The following ROBO1 variants were observed in gnomAD, a reference collection of about 807,000 sequenced individuals.
ROBO1 encodes roundabout guidance receptor 1.
ROBO1 carries 149 observed loss-of-function variants against 195.9 expected under a neutral mutation model. The observed-to-expected ratio is 0.76, with a 90% CI of 0.67 to 0.87. The LOEUF (loss-of-function observed/expected upper bound fraction) is 0.87. ROBO1 is among the 40% of genes least tolerant of loss of function. ROBO1 has a pLI of 0.00. For missense variants in ROBO1, 1,933 were observed against 2,068.3 expected, an observed-to-expected ratio of 0.93 and a Z score of 1.27; for synonymous variants, 816 against 733.2, an observed-to-expected ratio of 1.11 and a Z score of -1.82.
rs978424993 is a variant in ROBO1, at chr3:79,589,919, C to T, written c.-8G>A. ...AACATGTTTCCATTTCATCTTTGTC[C>T]CTTCCTTGCATTACAACCAGCCAGT... is the stretch of plus-strand genomic sequence containing the variant. On this transcript the variant is annotated 5_prime_UTR_variant, in exon 2 of 31. Transcript: ENST00000464233. The T allele has an allele frequency of 2.5e-6, 4 of 1,604,380 alleles. No homozygotes were observed. Among genetic ancestry groups the T allele is most frequent in the Non-Finnish European group, 2.6e-6 (3 of 1,172,314 alleles).
intron 2 of ROBO1, among the ~76,000 whole-genome samples, chr3:79,255,056 G>T (rs2082804385): frequency 6.6e-6 from 1 of 152,148 alleles, no homozygotes. Flanking sequence ...TTCCGCATTT[G>T]CTGGGTAATA....
At chr3:78,935,811 T>C (rs1363921789) in intron 4 of ROBO1, among the ~76,000 whole-genome samples, 1 of 152,056 alleles carries the variant, frequency 6.6e-6, no homozygotes, top group African/African-American at 2.4e-5. Context: ...CATTTGTGCA[T>C]AAAAATTGTT....
intron 3 of ROBO1, among the ~76,000 whole-genome samples, chr3:79,016,892 G>C (rs1316034130): frequency 6.6e-6 from 1 of 152,206 alleles, no homozygotes; most frequent in African/African-American, 2.4e-5. Flanking sequence ...CAAATAGAGA[G>C]ATCAGATTTT....
intron 2 of ROBO1, among the ~76,000 whole-genome samples, chr3:79,426,792 A>G (rs998991801): frequency 2.0e-5 from 3 of 152,182 alleles, no homozygotes; most frequent in African/African-American, 7.2e-5. Context: ...TTGAGAAAAC[A>G]TTTTAAAAAT....
intron 3 of ROBO1, among the ~76,000 whole-genome samples, chr3:79,121,538 C>T (rs2080116186): frequency 6.6e-6 from 1 of 151,626 alleles, no homozygotes; most frequent in Non-Finnish European, 1.5e-5. Context: ...CCCTAAATAC[C>T]CCTATTTGAA....
intron 2 of ROBO1, among the ~76,000 whole-genome samples, chr3:79,139,772 TCCAC>T (rs1225234344): frequency 2.0e-5 from 3 of 152,266 alleles, no homozygotes; most frequent in African/African-American, 7.2e-5. Flanking sequence ...TGTTATTCTC[TCCAC>T]CCACTTTGCC....
chr3:79,418,258 TC>T (rs2038087437), intron 2 of ROBO1, among the ~76,000 whole-genome samples: 1 of 152,180 alleles, frequency 6.6e-6, no homozygotes, highest in Non-Finnish European at 1.5e-5. Flanking sequence ...TTAGAAGTCT[TC>T]CATTGATTGT....
intron 3 of ROBO1, among the ~76,000 whole-genome samples, chr3:78,953,779 T>C (rs765326744): frequency 2.0e-5 from 3 of 151,772 alleles, no homozygotes; most frequent in Non-Finnish European, 4.4e-5. Flanking sequence ...GCTTAAACTC[T>C]CTGAATATTA....
At chr3:78,872,768 C>T (rs1576323735) in intron 4 of ROBO1, among the ~76,000 whole-genome samples, 1 of 152,228 alleles carries the variant, frequency 6.6e-6, no homozygotes, top group East Asian at 1.9e-4. Flanking sequence ...GGCATTTGTC[C>T]TTCCAAGGTT....
At chr3:79,648,925 G>A (rs1302842227) in intron 1 of ROBO1, among the ~76,000 whole-genome samples, 2 of 152,020 alleles carry the variant, frequency 1.3e-5, no homozygotes, top group Non-Finnish European at 2.9e-5. Context: ...TATCATCAAA[G>A]TACATTGAGA....
intron 4 of ROBO1, among the ~76,000 whole-genome samples, chr3:78,867,262 C>A (rs374036774): frequency 1.3e-4 from 20 of 152,132 alleles, no homozygotes; most frequent in Non-Finnish European, 1.8e-4. Context: ...TGGAAAACTG[C>A]CTCCTTCATT....
intron 3 of ROBO1, among the ~76,000 whole-genome samples, chr3:79,045,628 A>C (rs2078576258): frequency 6.6e-6 from 1 of 152,152 alleles, no homozygotes; most frequent in Non-Finnish European, 1.5e-5. Flanking sequence ...CTTGCATCAT[A>C]AAATGTCACT....
chr3:78,891,507 G>A (rs890656205), intron 4 of ROBO1, among the ~76,000 whole-genome samples: 10 of 152,128 alleles, frequency 6.6e-5, no homozygotes, highest in African/African-American at 2.4e-4. Flanking sequence ...GGTAGAAATG[G>A]TACAATCACT....
chr3:79,030,679 T>G (rs1183536386), intron 3 of ROBO1, among the ~76,000 whole-genome samples: 1 of 152,224 alleles, frequency 6.6e-6, no homozygotes, highest in East Asian at 1.9e-4. Context: ...TAATATGTTG[T>G]CATCTAGAGC....
chr3:79,556,555 C>T (rs9834080), intron 2 of ROBO1, among the ~76,000 whole-genome samples: 39,133 of 151,890 alleles, frequency 0.26, 5,954 homozygotes, highest in African/African-American at 0.42. Flanking sequence ...TTTTAGAACT[C>T]ACTCCAATAA....
At chr3:79,301,907 A>T (rs2032976793) in intron 2 of ROBO1, among the ~76,000 whole-genome samples, 1 of 152,158 alleles carries the variant, frequency 6.6e-6, no homozygotes, top group South Asian at 2.1e-4. Flanking sequence ...GTATACAATC[A>T]TAGTGTTGTA....
chr3:79,640,476 AATAGACTAATACACTGCCC>A (rs1190637522), intron 1 of ROBO1, among the ~76,000 whole-genome samples: 3 of 152,106 alleles, frequency 2.0e-5, no homozygotes, highest in Non-Finnish European at 4.4e-5. Context: ...GCAATGTGAA[AATAGACTAATACACTGCCC>A]ATGAATTTTT....
At chr3:78,650,196 T>C (rs1052295763) in intron 19 of ROBO1, among the ~76,000 whole-genome samples, 3 of 152,282 alleles carry the variant, frequency 2.0e-5, no homozygotes, top group Admixed American at 6.5e-5. Flanking sequence ...TCAAAGGTTT[T>C]ATATGGTAGC....
rs183545411 is a variant in ROBO1 at position 78,751,105 on chromosome 3, G to A, written c.500-4205C>T. ...TCTCACCACTATCCAATCTTGGTAG[G>A]CTCAAGTGCTCAAGTGAAATTTGAA... On this transcript the variant is annotated intron_variant, in intron 4 of 30. Coordinates refer to ENST00000464233, the MANE Select transcript of ROBO1 (RefSeq NM_002941.4). Among the ~76,000 whole-genome samples the A allele has an allele frequency of 2.0e-3, 311 of 152,200 alleles. 3 individuals are homozygous for A. Among genetic ancestry groups the A allele is most frequent in the African/African-American group, 7.1e-3 (296 of 41,524 alleles).
Sources: gnomAD v4.1 joint callset for allele counts (sites outside exome capture counted in the v4.1 genomes callset) on GRCh38, gnomAD v4.1.1 for gene constraint, MANE v1.5 for transcripts, NCBI Gene and HGNC (gene_info 2026-07-23, HGNC 2026-07-21) for gene names.